The following PCCA variants were observed in gnomAD, a reference collection of about 807,000 sequenced individuals.
PCCA encodes propionyl-CoA carboxylase subunit alpha, also known as propionyl-CoA carboxylase alpha chain, mitochondrial.
In PCCA, 74 loss-of-function variants were observed where a neutral mutation model predicts 101.3. That is an observed-to-expected ratio of 0.73 (90% CI 0.61 to 0.89). The LOEUF is 0.89. Among genes scored for constraint, PCCA ranks in the 40% least tolerant of loss-of-function variants. The pLI is 0.00. For missense variants in PCCA, 891 were observed against 907.0 expected (o/e 0.98, Z 0.23); for synonymous variants, 294 against 313.6 (o/e 0.94, Z 0.66).
At chr13:100,399,820 T>C (rs2077231045) in intron 19 of PCCA, among the ~76,000 whole-genome samples, 1 of 152,244 alleles carries the variant, frequency 6.6e-6, no homozygotes, top group South Asian at 2.1e-4. Context: ...GATGACTGAT[T>C]GTTTTTCAGG....
intron 8 of PCCA, among the ~76,000 whole-genome samples, chr13:100,238,155 G>T (rs1284761022): frequency 6.6e-6 from 1 of 151,854 alleles, no homozygotes; most frequent in Non-Finnish European, 1.5e-5. Context: ...GGCCAGGCTG[G>T]TCTCGAACTC....
At chr13:100,496,550 A>G (rs2085293320) in intron 21 of PCCA, among the ~76,000 whole-genome samples, 1 of 151,632 alleles carries the variant, frequency 6.6e-6, no homozygotes. Context: ...GCGCATGTTC[A>G]CGTTTCTCTT....
intron 4 of PCCA, among the ~76,000 whole-genome samples, chr13:100,131,612 A>G (rs370745306): frequency 7.2e-5 from 11 of 152,284 alleles, no homozygotes; most frequent in African/African-American, 2.6e-4. Context: ...CGCATTATCA[A>G]TTTTTACCTA....
intron 6 of PCCA, among the ~76,000 whole-genome samples, chr13:100,188,324 C>CAAAACAAAACAAAAA (rs2057466252): frequency 6.8e-6 from 1 of 146,384 alleles, no homozygotes; most frequent in Non-Finnish European, 1.5e-5. Flanking sequence ...CAAAACAAAA[C>CAAAACAAAACAAAAA]AAAAACACAA....
intron 19 of PCCA, among the ~76,000 whole-genome samples, chr13:100,421,599 T>G (rs1170221125): frequency 6.6e-6 from 1 of 152,108 alleles, no homozygotes; most frequent in Non-Finnish European, 1.5e-5. Flanking sequence ...GTACTTAGAC[T>G]ATATTGCTGT....
chr13:100,425,483 G>T, intron 19 of PCCA, 150 bp from the exon 20 acceptor site: 1 of 702,992 alleles, frequency 1.4e-6, no homozygotes. Context: ...GCTGTTGTTG[G>T]ACCCTGTCTT....
chr13:100,489,168 C>T (rs949993285), intron 21 of PCCA, among the ~76,000 whole-genome samples: 1 of 152,002 alleles, frequency 6.6e-6, no homozygotes, highest in Admixed American at 6.6e-5. Context: ...ATTAGCCAGG[C>T]GTGGTGGCGA....
intron 9 of PCCA, among the ~76,000 whole-genome samples, chr13:100,262,318 C>T (rs903660987): frequency 6.6e-6 from 1 of 151,860 alleles, no homozygotes; most frequent in African/African-American, 2.4e-5. Context: ...ACTTGAAACC[C>T]GGCAGGCAGA....
intron 6 of PCCA, among the ~76,000 whole-genome samples, chr13:100,179,546 C>G (rs758752662): frequency 2.0e-5 from 3 of 152,112 alleles, no homozygotes; most frequent in Non-Finnish European, 2.9e-5. Flanking sequence ...GACTTGCTAC[C>G]TATAGTCTTG....
At chr13:100,406,547 A>C (rs925056331) in intron 19 of PCCA, among the ~76,000 whole-genome samples, 1 of 152,174 alleles carries the variant, frequency 6.6e-6, no homozygotes, top group African/African-American at 2.4e-5. Flanking sequence ...TCTACTAAAA[A>C]TACAAAATTA....
In PCCA at chr13:100,515,687, T is replaced by C. The variant is rs533211537; in HGVS notation, c.2040+120T>C. Reference sequence around the variant, plus strand: ...CAGTTCTTACTTAACCGACGCCCCCTAAACAGCAAAATCGATTGCGTGTGT... The same window carrying C: ...CAGTTCTTACTTAACCGACGCCCCCCAAACAGCAAAATCGATTGCGTGTGT... On this transcript the variant is annotated intron_variant, in intron 22 of 23. Coordinates refer to ENST00000376285, the MANE Select transcript of PCCA (RefSeq NM_000282.4). 1,891 of 1,166,290 alleles carry C rather than the reference T, an allele frequency of 1.6e-3. 11 individuals carry two copies. The highest frequency in any genetic ancestry group is 8.0e-3 in the Middle Eastern group (29 of 3,608). 72.2% of individuals were successfully genotyped at this position (1,166,290 alleles called of 1,614,324 possible).
At chr13:100,264,003 TCG>T (rs1349454518) in intron 10 of PCCA, among the ~76,000 whole-genome samples, 23 of 150,712 alleles carry the variant, frequency 1.5e-4, no homozygotes, top group African/African-American at 5.1e-4. Context: ...TATCTGTATA[TCG>T]TATATATACG....
intron 2 of PCCA, among the ~76,000 whole-genome samples, chr13:100,108,117 A>G (rs954408506): frequency 1.3e-5 from 2 of 152,164 alleles, no homozygotes; most frequent in East Asian, 1.9e-4. Context: ...GGTGCTAGCT[A>G]TGGAGTTAGA....
At chr13:100,096,554 C>T (rs758244321) in intron 1 of PCCA, among the ~76,000 whole-genome samples, 45 of 152,126 alleles carry the variant, frequency 3.0e-4, no homozygotes, top group Non-Finnish European at 8.8e-5. Context: ...GAATCAAAAA[C>T]TAGAAATCAT....
chr13:100,199,061 A>C (rs1394136978), intron 6 of PCCA, among the ~76,000 whole-genome samples: 1 of 152,154 alleles, frequency 6.6e-6, no homozygotes, highest in Non-Finnish European at 1.5e-5. Context: ...CTACTCTGAA[A>C]TAGTTTTCAA....
At chr13:100,242,172 C>T (rs1798639688) in intron 8 of PCCA, among the ~76,000 whole-genome samples, 1 of 152,034 alleles carries the variant, frequency 6.6e-6, no homozygotes, top group Admixed American at 6.6e-5. Flanking sequence ...CTATAAGAAA[C>T]TCACTTTAGA....
intron 6 of PCCA, among the ~76,000 whole-genome samples, chr13:100,160,132 A>G (rs1235152508): frequency 6.6e-6 from 1 of 152,208 alleles, no homozygotes; most frequent in Non-Finnish European, 1.5e-5. Flanking sequence ...AAACTTTACA[A>G]GACTGATAAT....
chr13:100,343,318 C>T (rs1237821273), intron 18 of PCCA, among the ~76,000 whole-genome samples: 2 of 151,774 alleles, frequency 1.3e-5, no homozygotes, highest in East Asian at 1.9e-4. Flanking sequence ...TCAGCATCAT[C>T]GGTCAGTGGA....
intron 19 of PCCA, among the ~76,000 whole-genome samples, chr13:100,401,733 T>G (rs2077376684): frequency 6.6e-6 from 1 of 152,162 alleles, no homozygotes; most frequent in African/African-American, 2.4e-5. Flanking sequence ...CAATATATAT[T>G]AGACATGCTG....
Sources: gnomAD v4.1 joint callset for allele counts (sites outside exome capture counted in the v4.1 genomes callset) on GRCh38, gnomAD v4.1.1 for gene constraint, MANE v1.5 for transcripts, NCBI Gene and HGNC (gene_info 2026-07-23, HGNC 2026-07-21) for gene names.